Variants in CNIH3 observed in about 807,000 individuals in gnomAD.
The protein encoded by CNIH3 is cornichon family AMPA receptor auxiliary protein 3, also known as protein cornichon homolog 3.
CNIH3 carries 14 observed loss-of-function variants against 24.1 expected under a neutral mutation model. The ratio of observed to expected loss-of-function variants is 0.58; its 90% CI spans 0.38 to 0.91. The LOEUF (loss-of-function observed/expected upper bound fraction) is 0.91, where lower values mean the gene tolerates loss of function less well. Among genes scored for constraint, CNIH3 ranks in the 40% least tolerant of loss-of-function variants. CNIH3 has a pLI of 0.00. For missense variants in CNIH3, 178 were observed against 196.8 expected (o/e 0.90, Z 0.57); for synonymous variants, 68 against 73.8 (o/e 0.92, Z 0.40).
chr1:224,521,962 G>A (rs1678652318), intron 2 of CNIH3, among the ~76,000 whole-genome samples: 1 of 152,218 alleles, frequency 6.6e-6, no homozygotes, highest in Admixed American at 6.5e-5. Context: ...TTGGCAAATT[G>A]CAGGTAGAAT....
At chr1:224,626,911 C>G (rs952202466) in intron 1 of CNIH3, among the ~76,000 whole-genome samples, 2 of 152,216 alleles carry the variant, frequency 1.3e-5, no homozygotes, top group African/African-American at 4.8e-5. Context: ...ATCAGCAACT[C>G]TGCTCACTCC....
intron 1 of CNIH3, among the ~76,000 whole-genome samples, chr1:224,483,817 G>A (rs1480367218): frequency 6.6e-6 from 1 of 151,972 alleles, no homozygotes; most frequent in East Asian, 1.9e-4. Context: ...CTCCTCCCCT[G>A]CTTGCATTTT....
intron 1 of CNIH3, among the ~76,000 whole-genome samples, chr1:224,503,941 G>A (rs1038814370): frequency 3.9e-5 from 6 of 152,266 alleles, no homozygotes; most frequent in African/African-American, 1.4e-4. Context: ...GGCCTGGGAA[G>A]GCAAACTTGG....
At chr1:224,477,918 AT>A (rs993757982) in intron 1 of CNIH3, among the ~76,000 whole-genome samples, 4 of 151,420 alleles carry the variant, frequency 2.6e-5, no homozygotes, top group South Asian at 2.1e-4. Flanking sequence ...TGTTTGAAGG[AT>A]TTTTTTTTCC....
At chr1:224,663,282 A>G (rs558958278) in intron 1 of CNIH3, among the ~76,000 whole-genome samples, 34 of 152,084 alleles carry the variant, frequency 2.2e-4, no homozygotes, top group Non-Finnish European at 3.8e-4. Flanking sequence ...TGGGCCCACA[A>G]CTACATTCAT....
chr1:224,542,399 C>A (rs185723281), downstream of CNIH3, among the ~76,000 whole-genome samples: 33 of 152,282 alleles, frequency 2.2e-4, no homozygotes, highest in East Asian at 6.0e-3. Context: ...AATGATCAAA[C>A]TCTCTTCCCT....
At chr1:224,639,924 G>A (rs1286597299) in intron 1 of CNIH3, among the ~76,000 whole-genome samples, 2 of 152,138 alleles carry the variant, frequency 1.3e-5, no homozygotes, top group Non-Finnish European at 2.9e-5. Flanking sequence ...TTTTGAGGCC[G>A]TAACGATGTA....
intron 1 of CNIH3, among the ~76,000 whole-genome samples, chr1:224,502,724 T>C (rs1351305380): frequency 6.6e-6 from 1 of 152,210 alleles, no homozygotes; most frequent in African/African-American, 2.4e-5. Flanking sequence ...CTGTCCCCTT[T>C]TCATAGTTTT....
intron 1 of CNIH3, among the ~76,000 whole-genome samples, chr1:224,509,053 T>C (rs1299033009): frequency 6.6e-6 from 1 of 152,080 alleles, no homozygotes; most frequent in East Asian, 1.9e-4. Context: ...CTGGGCATGG[T>C]GGCTCACGCT....
chr1:224,616,869 C>G lies in CNIH3; in HGVS notation c.-306C>G. 8.2e-7 allele frequency: 1 copy of G among 1,218,420 alleles called. No individual in the cohort carries two copies. Among genetic ancestry groups the G allele is most frequent in the Non-Finnish European group, 1.0e-6 (1 of 976,844 alleles). The allele number at this position is 1,218,420 out of a possible 1,614,324, so 75.5% of individuals were successfully genotyped here. A position where few individuals can be genotyped will look rare whatever the true frequency, so the allele number is the denominator to read the frequency against. ...GTCTCGAGGGGCTCACAGCTTGGCA[C>G]TAATTTGCAGGTGTTCGCTGCTGAT... is the stretch of plus-strand genomic sequence containing the variant. On this transcript the variant is annotated 5_prime_UTR_variant, in exon 1 of 6. Coordinates refer to ENST00000272133, the MANE Select transcript of CNIH3 (RefSeq NM_152495.2).
intron 4 of CNIH3, among the ~76,000 whole-genome samples, chr1:224,581,745 C>CT (rs1283759883): frequency 6.6e-6 from 1 of 152,140 alleles, no homozygotes; most frequent in Admixed American, 6.5e-5. Context: ...AATCATTTTT[C>CT]TTTTCTCGGA....
intron 3 of CNIH3, among the ~76,000 whole-genome samples, chr1:224,560,377 T>A (rs1022831664): frequency 1.1e-4 from 17 of 152,148 alleles, no homozygotes; most frequent in African/African-American, 3.6e-4. Context: ...CTCATTCTTT[T>A]CAGCACTTTG....
At chr1:224,537,394 T>G (rs1309037232), downstream of CNIH3, 1 of 152,154 alleles carries the variant, frequency 6.6e-6, no homozygotes, top group Non-Finnish European at 1.5e-5. Context: ...ACCCCTCACA[T>G]GTAAATCGTG....
At chr1:224,715,062 G>A (rs771693861) in intron 3 of CNIH3, among the ~76,000 whole-genome samples, 2 of 152,118 alleles carry the variant, frequency 1.3e-5, no homozygotes, top group African/African-American at 2.4e-5. Context: ...TTGTTCACAC[G>A]CGTCTCCCTA....
intron 1 of CNIH3, among the ~76,000 whole-genome samples, chr1:224,668,641 C>T (rs1685715608): frequency 6.6e-6 from 1 of 152,092 alleles, no homozygotes; most frequent in Non-Finnish European, 1.5e-5. Context: ...AGAGAAGTAT[C>T]CAAGGAGTAG....
chr1:224,727,278 AAACAAC>A (rs145451304), intron 3 of CNIH3, among the ~76,000 whole-genome samples: 14 of 152,054 alleles, frequency 9.2e-5, no homozygotes, highest in African/African-American at 2.2e-4. Context: ...TGCTATGGCA[AAACAAC>A]AACAACAACA....
At chr1:224,450,686 T>C (rs537932916) in intron 1 of CNIH3, among the ~76,000 whole-genome samples, 2 of 152,330 alleles carry the variant, frequency 1.3e-5, no homozygotes, top group South Asian at 2.1e-4. Flanking sequence ...ATGTACTAGA[T>C]ACTTATTGGC....
chr1:224,460,393 AC>A (rs1399867147), intron 1 of CNIH3, among the ~76,000 whole-genome samples: 5 of 148,560 alleles, frequency 3.4e-5, no homozygotes, highest in Admixed American at 6.7e-5. Context: ...CCCTGAGAAA[AC>A]CCTCTCTCTG....
At chr1:224,540,179 A>G (rs1357456310), downstream of CNIH3, among the ~76,000 whole-genome samples, 1 of 152,244 alleles carries the variant, frequency 6.6e-6, no homozygotes, top group Non-Finnish European at 1.5e-5. Context: ...GGGCCAACTT[A>G]CATGGAAATG....
Sources: allele counts gnomAD v4.1 joint callset (sites outside exome capture counted in the v4.1 genomes callset), GRCh38; gene constraint gnomAD v4.1.1; transcripts MANE v1.5; gene names NCBI Gene and HGNC (gene_info 2026-07-23, HGNC 2026-07-21).